Variants in PROM1 observed in about 807,000 individuals in gnomAD.
PROM1 encodes the protein prominin-1.
A neutral mutation model predicts 116.9 loss-of-function variants in PROM1; 105 were observed. The observed-to-expected ratio is 0.90, with a 90% CI of 0.77 to 1.06. The LOEUF (loss-of-function observed/expected upper bound fraction) is 1.06. PROM1 is among the 50% of genes least tolerant of loss of function. The pLI is 0.00. For synonymous variants in PROM1, 393 were observed against 387.0 expected, an observed-to-expected ratio of 1.02 and a Z score of -0.18; for missense variants, 1,122 against 1,045.2, an observed-to-expected ratio of 1.07 and a Z score of -1.01.
chr4:16,005,245 G>C (rs1225217145), intron 13 of PROM1, among the ~76,000 whole-genome samples: 2 of 152,122 alleles, frequency 1.3e-5, no homozygotes, highest in Non-Finnish European at 2.9e-5. Context: ...TTACAGGCGT[G>C]AGCCATCGTG....
Position 16,039,156 on chromosome 4 carries a change from TA to T in PROM1, c.221-156del. Among the ~76,000 whole-genome samples the T allele has an allele frequency of 2.0e-5, 3 of 152,294 alleles. 1 individual carries two copies. The South Asian group carries it at 6.2e-4, about 32-fold the overall frequency. On this transcript the variant is annotated intron_variant, in intron 2 of 27. Transcript: ENST00000447510. ...TTATTTCTTAATGTAGGTAAATAAT[TA>T]ATGACCTCTAGCCAGAAGCCAAGAA...
In PROM1 at chr4:16,023,358, G is replaced by A. The variant is rs1462892372; in HGVS notation, c.752C>T (p.Pro251Leu). ...CATGGACTTAATCTCATCAAGAACA[G>A]GGATGATGTTGGGTCTCAGTCGGTC... ...ILDRLRPNII[P>L]VLDEIKSMAT... The change falls in exon 8 of 28, where the codon CCT becomes CTT. Residue 251 changes from proline (P) to leucine (L), a missense_variant. Transcript: ENST00000447510. 1 of 1,607,682 alleles carries A rather than the reference G, an allele frequency of 6.2e-7. No individual in the cohort carries two copies. Among genetic ancestry groups the A allele is most frequent in the Admixed American group, 1.7e-5 (1 of 59,314 alleles).
intron 13 of PROM1, among the ~76,000 whole-genome samples, chr4:16,004,837 C>T (rs1447601983): frequency 0.018 from 797 of 43,580 alleles, 16 homozygotes; most frequent in African/African-American, 0.053. Context: ...CTTTTTCTTC[C>T]TTCCTTCCTT....
intron 15 of PROM1, 39 bp downstream of exon 15, chr4:15,998,346 C>T (rs563022500): frequency 2.6e-5 from 39 of 1,517,352 alleles, no homozygotes; most frequent in South Asian, 4.0e-5. Flanking sequence ...AGAAAAAGAA[C>T]ATCTTAAATA....
chr4:15,979,463 A>T lies in PROM1; in HGVS notation c.2514T>A (p.Asn838Lys). ...GATAACCATTATTACCATTTTCCAT[A>T]CTGTAACAGAAATAAATACACCAAA... The part of the protein sequence containing the change: ...YDDVETIPMK[N>K]MENGNNGYHK... The change falls in exon 26 of 28, where the codon AAT becomes AAA. Residue 838 changes from asparagine to lysine, a missense_variant and splice_region_variant. Coordinates refer to ENST00000447510, the MANE Select transcript of PROM1 (RefSeq NM_006017.3). The T allele has an allele frequency of 6.2e-7, 1 of 1,608,524 alleles. No homozygotes were observed. The highest frequency in any genetic ancestry group is 1.3e-5 in the African/African-American group (1 of 74,954).
At chr4:16,067,380 G>GCT (rs1456565686) in intron 2 of PROM1, among the ~76,000 whole-genome samples, 2 of 152,192 alleles carry the variant, frequency 1.3e-5, no homozygotes, top group African/African-American at 4.8e-5. Context: ...CCACTGACCA[G>GCT]CTCTAGCACC....
intron 22 of PROM1, chr4:15,985,448 T>TA (rs1365307809): frequency 6.3e-6 from 2 of 318,570 alleles, no homozygotes; most frequent in African/African-American, 4.4e-5. Flanking sequence ...CTGAGAGAAT[T>TA]AAAAAGTTCT....
chr4:16,066,908 G>A (rs960032003), intron 2 of PROM1, among the ~76,000 whole-genome samples: 4 of 152,254 alleles, frequency 2.6e-5, no homozygotes, highest in East Asian at 1.9e-4. Context: ...TGCATAGCCC[G>A]CCTCGATTAT....
At chr4:16,020,625 T>A (rs192924126) in intron 8 of PROM1, among the ~76,000 whole-genome samples, 11 of 152,176 alleles carry the variant, frequency 7.2e-5, no homozygotes, top group African/African-American at 2.7e-4. Flanking sequence ...CTTTTCACTT[T>A]GACTTCAGGA....
chr4:16,028,662 T>C (rs942768489), intron 5 of PROM1, among the ~76,000 whole-genome samples: 13 of 148,172 alleles, frequency 8.8e-5, no homozygotes, highest in African/African-American at 3.3e-4. Flanking sequence ...TGTGAATAAA[T>C]ATTTTTATTT....
At chr4:15,983,154 T>C (rs567844527) in intron 23 of PROM1, among the ~76,000 whole-genome samples, 1 of 152,266 alleles carries the variant, frequency 6.6e-6, no homozygotes, top group East Asian at 1.9e-4. Flanking sequence ...AGGAAAAGCA[T>C]AGAGTTCTAC....
chr4:16,067,162 T>C (rs1033956176), intron 2 of PROM1, among the ~76,000 whole-genome samples: 2 of 152,142 alleles, frequency 1.3e-5, no homozygotes, highest in Admixed American at 6.5e-5. Context: ...TCCTCCTCCA[T>C]GGAGGGAATA....
chr4:15,987,822 C>T (rs2149091895), intron 19 of PROM1, 106 bp from the exon 20 acceptor site: 1 of 856,710 alleles, frequency 1.2e-6, no homozygotes, highest in Admixed American at 2.4e-5. Flanking sequence ...TGTCTTTACA[C>T]TGTAATGGTT....
intron 2 of PROM1, among the ~76,000 whole-genome samples, chr4:16,057,257 T>C (rs1287901351): frequency 6.6e-6 from 1 of 152,212 alleles, no homozygotes; most frequent in Non-Finnish European, 1.5e-5. Flanking sequence ...CCAAATCTCA[T>C]TAGGCTGAGC....
chr4:16,007,539 C>G (rs1725826165), intron 12 of PROM1, among the ~76,000 whole-genome samples: 1 of 152,206 alleles, frequency 6.6e-6, no homozygotes, highest in Non-Finnish European at 1.5e-5. Flanking sequence ...GTAATAGCCA[C>G]AGGCAGCCAT....
intron 11 of PROM1, among the ~76,000 whole-genome samples, chr4:16,011,912 G>A (rs1455274741): frequency 6.6e-6 from 1 of 152,144 alleles, no homozygotes; most frequent in Non-Finnish European, 1.5e-5. Flanking sequence ...TTACTCAACA[G>A]TTAAAAGCAG....
At chr4:16,010,244 G>A (rs985625474) in intron 11 of PROM1, among the ~76,000 whole-genome samples, 1 of 152,072 alleles carries the variant, frequency 6.6e-6, no homozygotes, top group Non-Finnish European at 1.5e-5. Flanking sequence ...ACTAACCTTG[G>A]GTGCAGGATT....
intron 26 of PROM1, among the ~76,000 whole-genome samples, chr4:15,972,890 G>T (rs745772123): frequency 7.2e-5 from 11 of 152,190 alleles, no homozygotes; most frequent in Non-Finnish European, 1.5e-4. Flanking sequence ...ACACAACAGG[G>T]CTCTGAGCAG....
At chr4:16,011,038 T>G (rs1039424410) in intron 11 of PROM1, among the ~76,000 whole-genome samples, 1 of 152,184 alleles carries the variant, frequency 6.6e-6, no homozygotes, top group Admixed American at 6.5e-5. Context: ...AGATGGGGAA[T>G]GCAGCCTTCC....
Sources: gnomAD v4.1 joint callset for allele counts (sites outside exome capture counted in the v4.1 genomes callset) on GRCh38, gnomAD v4.1.1 for gene constraint, MANE v1.5 for transcripts, NCBI Gene and HGNC (gene_info 2026-07-23, HGNC 2026-07-21) for gene names.